Variants in RBFOX1 observed in about 807,000 individuals in gnomAD.
RBFOX1 encodes RNA binding fox-1 homolog 1.
Under a neutral mutation model 57.7 loss-of-function variants are expected in RBFOX1, and 8 were observed. That is an observed-to-expected ratio of 0.14 (90% CI 0.08 to 0.25). The LOEUF is 0.25. Among genes scored for constraint, RBFOX1 ranks in the 10% least tolerant of loss-of-function variants. The pLI, the probability that RBFOX1 is intolerant of heterozygous loss-of-function variation, is 1.00. For missense variants in RBFOX1, 611 were observed against 548.5 expected (o/e 1.11, Z -1.14); for synonymous variants, 326 against 222.4 (o/e 1.47, Z -4.15).
chr16:5,991,067 A>T (rs1452991973), intron 4 of RBFOX1, among the ~76,000 whole-genome samples: 2 of 152,220 alleles, frequency 1.3e-5, no homozygotes, highest in African/African-American at 2.4e-5. Flanking sequence ...TGAAACAAGG[A>T]AACTGAGTTT....
intron 3 of RBFOX1, among the ~76,000 whole-genome samples, chr16:6,949,030 T>C (rs772049973): frequency 4.6e-5 from 7 of 152,146 alleles, no homozygotes; most frequent in Non-Finnish European, 7.4e-5. Context: ...GAAATTCGAC[T>C]CTATGGAGTG....
intron 1 of RBFOX1, among the ~76,000 whole-genome samples, chr16:6,033,753 C>A (rs975331730): frequency 1.3e-5 from 2 of 152,198 alleles, no homozygotes; most frequent in Admixed American, 6.5e-5. Flanking sequence ...TCTTCAACCG[C>A]CACCACTTCC....
chr16:7,094,777 G>GTGTGTGTGTGTGTGT (rs1567232668), intron 4 of RBFOX1, among the ~76,000 whole-genome samples: 19 of 53,598 alleles, frequency 3.5e-4, no homozygotes, highest in African/African-American at 6.2e-4. Context: ...TGTGTGTGTG[G>GTGTGTGTGTGTGTGT]GTGTGTGTGT....
intron 4 of RBFOX1, among the ~76,000 whole-genome samples, chr16:7,449,734 G>C (rs1390921856): frequency 2.1e-5 from 3 of 141,628 alleles, no homozygotes; most frequent in Non-Finnish European, 4.6e-5. Flanking sequence ...GTGTGTGGGG[G>C]GGGGGGGTTG....
At chr16:5,456,690 T>C (rs74004317) in intron 1 of RBFOX1, among the ~76,000 whole-genome samples, 7,584 of 152,268 alleles carry the variant, frequency 0.05, 633 homozygotes, top group African/African-American at 0.17. Context: ...CTTGGATACC[T>C]CTCTTCTCTT....
intron 4 of RBFOX1, among the ~76,000 whole-genome samples, chr16:7,185,541 C>A (rs1001161825): frequency 6.6e-6 from 1 of 152,206 alleles, no homozygotes; most frequent in Non-Finnish European, 1.5e-5. Flanking sequence ...TGTGGACACA[C>A]ACATTCTTGG....
chr16:6,895,438 G>GTATA (rs1216168661), intron 3 of RBFOX1, among the ~76,000 whole-genome samples: 2 of 88,098 alleles, frequency 2.3e-5, no homozygotes, highest in African/African-American at 8.0e-5. Flanking sequence ...GTGTGTGTGT[G>GTATA]TGTGTGTGTG....
intron 3 of RBFOX1, among the ~76,000 whole-genome samples, chr16:7,036,234 T>G (rs1385671013): frequency 1.3e-5 from 2 of 151,988 alleles, no homozygotes. Flanking sequence ...GCCTTGTAGT[T>G]GTTACATGAT....
intron 1 of RBFOX1, among the ~76,000 whole-genome samples, chr16:6,129,404 C>T (rs187267521): frequency 6.6e-6 from 1 of 152,140 alleles, no homozygotes; most frequent in African/African-American, 2.4e-5. Context: ...AACAGTTTAA[C>T]AGTAGATTGA....
chr16:6,213,588 A>G (rs547054829), intron 1 of RBFOX1, among the ~76,000 whole-genome samples: 53 of 152,306 alleles, frequency 3.5e-4, no homozygotes, highest in African/African-American at 1.3e-3. Context: ...AGTCATGCCA[A>G]TTGTTTATAA....
At chr16:5,374,249 G>A (rs780223791) in intron 1 of RBFOX1, among the ~76,000 whole-genome samples, 2 of 152,222 alleles carry the variant, frequency 1.3e-5, no homozygotes, top group East Asian at 1.9e-4. Flanking sequence ...GTCAGTTTCA[G>A]GTAGTTATTT....
intron 13 of RBFOX1, chr16:7,671,546 T>C (rs1329828213): frequency 1.2e-6 from 2 of 1,604,738 alleles, no homozygotes; most frequent in African/African-American, 1.3e-5. Flanking sequence ...TACATTTCTG[T>C]TTCCTTATAG....
chr16:7,287,430 A>G (rs1474048225), intron 4 of RBFOX1, among the ~76,000 whole-genome samples: 2 of 152,142 alleles, frequency 1.3e-5, no homozygotes, highest in Admixed American at 1.3e-4. Flanking sequence ...AATCACCATC[A>G]AACTTGCTCT....
At chr16:6,988,001 C>G (rs1162431554) in intron 3 of RBFOX1, among the ~76,000 whole-genome samples, 4 of 151,976 alleles carry the variant, frequency 2.6e-5, no homozygotes, top group African/African-American at 4.8e-5. Flanking sequence ...TAGTCGTCAT[C>G]ATGGTTATGT....
chr16:6,453,792 C>G (rs1935395), intron 2 of RBFOX1, among the ~76,000 whole-genome samples: 1 of 152,016 alleles, frequency 6.6e-6, no homozygotes, highest in African/African-American at 2.4e-5. Context: ...CAGTGCCTCA[C>G]TGGGACTAGT....
In RBFOX1 at chr16:7,034,841, C is replaced by CTTTTTTTTTTT. The variant is rs1255430430; in HGVS notation, c.-15-17210_-15-17209insTTTTTTTTTTT. 2.1e-3 allele frequency among the ~76,000 whole-genome samples: 83 copies of CTTTTTTTTTTT among 39,126 alleles called. 2 individuals are homozygous for CTTTTTTTTTTT. Among genetic ancestry groups the CTTTTTTTTTTT allele is most frequent in the Non-Finnish European group, 2.6e-3 (59 of 22,468 alleles). The allele number at this position is 39,126 out of a possible 152,430, so 25.7% of individuals were successfully genotyped here. A position where few individuals can be genotyped will look rare whatever the true frequency, so the allele number is the denominator to read the frequency against. On this transcript the variant is annotated intron_variant, in intron 3 of 15. Coordinates refer to ENST00000550418, the MANE Select transcript of RBFOX1 (RefSeq NM_018723.4). Reference sequence around the variant, plus strand: ...ATATTGCATTACTTTTTTTTTTTTTCTTTTTTCTTTTTTTTTTTTTTTTTT... The same window carrying CTTTTTTTTTTT: ...ATATTGCATTACTTTTTTTTTTTTTCTTTTTTTTTTTTTTTTTCTTTTTTTTTTTTTTTTTT...
At chr16:5,492,597 T>C (rs888287337) in intron 2 of RBFOX1, among the ~76,000 whole-genome samples, 1 of 152,224 alleles carries the variant, frequency 6.6e-6, no homozygotes, top group Non-Finnish European at 1.5e-5. Context: ...AAAGGTCCTG[T>C]GGCCAGAAGG....
rs181500282 is a variant in RBFOX1 at position 5,997,928 on chromosome 16, C to T, written c.351+130593C>T. On this transcript the variant is annotated intron_variant, in intron 4 of 19. Transcript: ENST00000641259. ...AGTACATAACATGAAATTTGAGTTC[C>T]GACATCTCTTGAACAATATAAAAAT... 2.6e-4 allele frequency among the ~76,000 whole-genome samples: 40 copies of T among 152,088 alleles called. No individual in the cohort carries two copies. In the East Asian group the frequency reaches 5.0e-3, roughly 19 times the overall value.
intron 3 of RBFOX1, among the ~76,000 whole-genome samples, chr16:7,019,726 T>A (rs1450912015): frequency 6.6e-6 from 1 of 152,204 alleles, no homozygotes; most frequent in Admixed American, 6.5e-5. Context: ...GAGAACAAGC[T>A]TGGTTTCAAA....
Sources: gnomAD v4.1 joint callset for allele counts (sites outside exome capture counted in the v4.1 genomes callset) on GRCh38, gnomAD v4.1.1 for gene constraint, MANE v1.5 for transcripts, NCBI Gene and HGNC (gene_info 2026-07-23, HGNC 2026-07-21) for gene names.